EIF4G3: variants seen among roughly 807,000 people sequenced by gnomAD.
EIF4G3 encodes the protein eIF-4-gamma 3.
A neutral mutation model predicts 186.4 loss-of-function variants in EIF4G3; 34 were observed. That is an observed-to-expected ratio of 0.18 (90% CI 0.14 to 0.24). EIF4G3 has a LOEUF of 0.24. EIF4G3 is among the 10% of genes least tolerant of loss of function. The pLI, the probability that EIF4G3 is intolerant of heterozygous loss-of-function variation, is 1.00. For missense variants in EIF4G3, 1,536 were observed against 1,948.5 expected, an observed-to-expected ratio of 0.79 and a Z score of 3.99; for synonymous variants, 673 against 679.5, an observed-to-expected ratio of 0.99 and a Z score of 0.15.
intron 10 of EIF4G3, among the ~76,000 whole-genome samples, chr1:20,978,170 A>G (rs1168211237): frequency 6.6e-6 from 1 of 152,186 alleles, no homozygotes; most frequent in African/African-American, 2.4e-5. Flanking sequence ...AGTTTTCAGA[A>G]TAAGGACCTA....
intron 13 of EIF4G3, among the ~76,000 whole-genome samples, chr1:20,944,652 T>C (rs1573290829): frequency 1.3e-5 from 2 of 152,234 alleles, no homozygotes; most frequent in East Asian, 3.9e-4. Flanking sequence ...TTATTAATGT[T>C]GGGAAACAAT....
chr1:20,982,386 A>C lies in EIF4G3; in HGVS notation c.198+2T>G. ...GGCCATGCAGAACCAGTAGTTTGTT[A>C]CCTGGATAGGTCTGAATCCTCCCTT... On this transcript the variant is annotated splice_donor_variant, in intron 8 of 36. Coordinates refer to ENST00000602326, the MANE Select transcript of EIF4G3 (RefSeq NM_001391906.1). LOFTEE classifies it high-confidence loss of function. 6.6e-7 allele frequency: 1 copy of C among 1,525,328 alleles called. No homozygotes were observed. The highest frequency in any genetic ancestry group is 8.7e-7 in the Non-Finnish European group (1 of 1,143,068). The allele number at this position is 1,525,328 out of a possible 1,614,324, so 94.5% of individuals were successfully genotyped here. A position where few individuals can be genotyped will look rare whatever the true frequency, so the allele number is the denominator to read the frequency against.
At chr1:20,950,452 G>A (rs1478569160) in intron 12 of EIF4G3, among the ~76,000 whole-genome samples, 2 of 152,148 alleles carry the variant, frequency 1.3e-5, no homozygotes, top group African/African-American at 4.8e-5. Flanking sequence ...CGACACATCT[G>A]AGAAGGAATT....
intron 4 of EIF4G3, among the ~76,000 whole-genome samples, chr1:21,043,548 A>G (rs1259787061): frequency 6.6e-6 from 1 of 152,216 alleles, no homozygotes; most frequent in Non-Finnish European, 1.5e-5. Context: ...TCAAACATAT[A>G]AAAGCTGCTT....
intron 33 of EIF4G3, 143 bp from the exon 34 acceptor site, chr1:20,817,681 G>GTTTTTT (rs34471464): frequency 1.3e-5 from 2 of 149,976 alleles, no homozygotes; most frequent in Non-Finnish European, 1.2e-5. Flanking sequence ...TATGTTTGTA[G>GTTTTTT]TTTTTTTTTT....
chr1:20,913,176 A>T (rs2093447467), intron 14 of EIF4G3, among the ~76,000 whole-genome samples: 1 of 152,142 alleles, frequency 6.6e-6, no homozygotes, highest in Non-Finnish European at 1.5e-5. Flanking sequence ...TCACTACTTC[A>T]CAAAGAGCTT....
intron 2 of EIF4G3, among the ~76,000 whole-genome samples, chr1:21,119,030 T>G (rs2096881037): frequency 6.6e-6 from 1 of 151,982 alleles, no homozygotes; most frequent in Admixed American, 6.6e-5. Context: ...GAAATTTTCT[T>G]TTAAAAATCC....
chr1:20,916,151 A>C (rs2093838866), intron 14 of EIF4G3, among the ~76,000 whole-genome samples: 1 of 152,148 alleles, frequency 6.6e-6, no homozygotes, highest in Non-Finnish European at 1.5e-5. Context: ...CCTATACACT[A>C]GAAACTCCAA....
At chr1:20,817,619 A>T in intron 33 of EIF4G3, 81 bp from the exon 34 acceptor site, 1 of 803,652 alleles carries the variant, frequency 1.2e-6, no homozygotes, top group Admixed American at 3.9e-5. Flanking sequence ...ACAAAGTCAT[A>T]GGTTACGTCT....
chr1:20,914,335 C>T (rs1032618510), intron 14 of EIF4G3, among the ~76,000 whole-genome samples: 3 of 151,890 alleles, frequency 2.0e-5, no homozygotes, highest in African/African-American at 7.3e-5. Context: ...CCAGTGGATC[C>T]AATGTAATCG....
At chr1:21,036,002 C>T (rs2093165702) in intron 4 of EIF4G3, among the ~76,000 whole-genome samples, 1 of 152,208 alleles carries the variant, frequency 6.6e-6, no homozygotes, top group Non-Finnish European at 1.5e-5. Context: ...GAGCTACCCT[C>T]TCTAGGGCCT....
chr1:20,944,619 C>A (rs1027583580), intron 13 of EIF4G3, among the ~76,000 whole-genome samples: 26 of 152,096 alleles, frequency 1.7e-4, no homozygotes, highest in African/African-American at 6.3e-4. Context: ...CATTAAATAT[C>A]TAATAAGAGT....
At chr1:21,101,562 G>GAAAAAGAAAAAAAAAAAAAA (rs769715669) in intron 2 of EIF4G3, among the ~76,000 whole-genome samples, 2 of 35,368 alleles carry the variant, frequency 5.7e-5, no homozygotes, top group Non-Finnish European at 1.1e-4. Flanking sequence ...AGGGTCTCAG[G>GAAAAAGAAAAAAAAAAAAAA]AAAAAAAAAA....
intron 4 of EIF4G3, among the ~76,000 whole-genome samples, chr1:21,022,407 C>T (rs2090948307): frequency 1.3e-5 from 2 of 152,184 alleles, no homozygotes; most frequent in Non-Finnish European, 2.9e-5. Flanking sequence ...GTAGTACTTA[C>T]TCTGTCGAGA....
chr1:20,829,342 A>C, intron 30 of EIF4G3, 70 bp from the exon 31 acceptor site: 1 of 1,557,938 alleles, frequency 6.4e-7, no homozygotes, highest in African/African-American at 1.4e-5. Context: ...TAAAGAGATA[A>C]AAAATCAGTC....
intron 11 of EIF4G3, among the ~76,000 whole-genome samples, chr1:20,971,863 A>AC (rs1305511113): frequency 3.3e-5 from 5 of 152,140 alleles, no homozygotes; most frequent in African/African-American, 4.8e-5. Flanking sequence ...CGAGCTCCTT[A>AC]CCTCAAGTGA....
At chr1:21,141,523 A>G (rs1296539888) in intron 2 of EIF4G3, among the ~76,000 whole-genome samples, 1 of 152,016 alleles carries the variant, frequency 6.6e-6, no homozygotes, top group Admixed American at 6.6e-5. Flanking sequence ...TAGTAATTAC[A>G]ACACTACAGT....
At chr1:21,152,100 C>G (rs1230538710) in intron 2 of EIF4G3, among the ~76,000 whole-genome samples, 1 of 152,026 alleles carries the variant, frequency 6.6e-6, no homozygotes, top group Non-Finnish European at 1.5e-5. Flanking sequence ...CTAAAGACTC[C>G]CGGATCTATA....
intron 2 of EIF4G3, among the ~76,000 whole-genome samples, chr1:21,145,821 C>A (rs1201540826): frequency 6.6e-6 from 1 of 152,120 alleles, no homozygotes; most frequent in Non-Finnish European, 1.5e-5. Context: ...TGGCTCATAT[C>A]TGCAATCCCA....
Sources: allele counts gnomAD v4.1 joint callset (sites outside exome capture counted in the v4.1 genomes callset), GRCh38; gene constraint gnomAD v4.1.1; transcripts MANE v1.5; gene names NCBI Gene and HGNC (gene_info 2026-07-23, HGNC 2026-07-21).